The following COG5 variants were observed in gnomAD, a reference collection of about 807,000 sequenced individuals.
COG5 encodes component of oligomeric golgi complex 5.
Under a neutral mutation model 110.4 loss-of-function variants are expected in COG5, and 86 were observed. That is an observed-to-expected ratio of 0.78 (90% CI 0.65 to 0.93). COG5 has a LOEUF of 0.93. Among genes scored for constraint, COG5 ranks in the 40% least tolerant of loss-of-function variants. The pLI, the probability that COG5 is intolerant of heterozygous loss-of-function variation, is 0.00. For missense variants in COG5, 1,077 were observed against 987.0 expected (o/e 1.09, Z -1.22); for synonymous variants, 360 against 334.6 (o/e 1.08, Z -0.83).
intron 11 of COG5, among the ~76,000 whole-genome samples, chr7:107,316,066 G>A (rs549230375): frequency 1.1e-4 from 16 of 152,152 alleles, no homozygotes; most frequent in South Asian, 4.1e-4. Flanking sequence ...AAGACAGCCA[G>A]ATTACACCTA....
chr7:107,256,753 T>A lies in COG5; in HGVS notation c.1728A>T (p.Gln576His). The A allele has an allele frequency of 6.2e-7, 1 of 1,610,462 alleles. No individual in the cohort carries two copies. Among genetic ancestry groups the A allele is most frequent in the Non-Finnish European group, 8.5e-7 (1 of 1,177,470 alleles). The change falls in exon 16 of 22, where the codon CAA (glutamine) becomes CAT (histidine). Residue 576 changes from glutamine to histidine, a missense_variant. Coordinates refer to ENST00000297135, the MANE Select transcript of COG5 (RefSeq NM_006348.5). ...SQSSFPLAAE[Q>H]TIISALKAIH... ...TTACCTTTAGAGCTGAAATTATAGT[T>A]TGCTCAGCTGCCAGTGGGAATGAGC...
At position 107,557,978 on chromosome 7, in the gene COG5, G is replaced by T; in HGVS notation, c.232C>A (p.Gln78Lys). 2.5e-6 allele frequency: 4 copies of T among 1,613,984 alleles called. No individual in the cohort carries two copies. Among genetic ancestry groups the T allele is most frequent in the Non-Finnish European group, 3.4e-6 (4 of 1,179,932 alleles). Residue 78 changes from glutamine to lysine, a missense_variant and splice_region_variant, in exon 2 of 22, where the codon CAG becomes AAG. Physicochemically the swap from Gln to Lys is moderately conservative, Grantham distance 53 (BLOSUM62 1). Transcript: ENST00000297135. Reference protein sequence around the residue: ...ISQLDRELHLQVVARHEDLLA... With the variant: ...ISQLDRELHLKVVARHEDLLA... The stretch of plus-strand genomic sequence containing the variant: ...GGGACCCAGAAGATCAGAATTACCT[G>T]TAAGTGTAGTTCTCTGTCCAACTGA...
chr7:107,461,605 T>C (rs1201311827), intron 6 of COG5, among the ~76,000 whole-genome samples: 7 of 152,122 alleles, frequency 4.6e-5, no homozygotes, highest in Non-Finnish European at 1.0e-4. Context: ...AGATTTAAGA[T>C]TGAAAAGGAT....
At chr7:107,215,663 T>TCAAACAAA (rs1018123941) in intron 19 of COG5, among the ~76,000 whole-genome samples, 2,175 of 151,726 alleles carry the variant, frequency 0.014, 56 homozygotes, top group African/African-American at 0.05. Flanking sequence ...AGACTCCGTC[T>TCAAACAAA]CAAACAAACA....
intron 12 of COG5, among the ~76,000 whole-genome samples, chr7:107,296,973 T>A (rs12532967): frequency 0.011 from 1,633 of 152,230 alleles, 40 homozygotes; most frequent in African/African-American, 0.037. Flanking sequence ...GATGCTCAAA[T>A]TGAAAGTTTA....
At chr7:107,280,446 A>T (rs1461281840) in intron 14 of COG5, among the ~76,000 whole-genome samples, 1 of 152,088 alleles carries the variant, frequency 6.6e-6, no homozygotes, top group Non-Finnish European at 1.5e-5. Context: ...GAACAAACTG[A>T]AACAACTTGG....
chr7:107,425,935 T>C (rs1174409636), intron 6 of COG5, among the ~76,000 whole-genome samples: 1 of 152,120 alleles, frequency 6.6e-6, no homozygotes, highest in Non-Finnish European at 1.5e-5. Flanking sequence ...AAGAGGAAAC[T>C]TGGACAATAC....
intron 10 of COG5, among the ~76,000 whole-genome samples, chr7:107,348,052 G>A (rs557133128): frequency 2.4e-4 from 36 of 149,358 alleles, no homozygotes; most frequent in African/African-American, 8.4e-4. Context: ...CTTGAACCTG[G>A]GAGGTGGAAG....
At chr7:107,545,794 A>G (rs1802379179) in intron 5 of COG5, among the ~76,000 whole-genome samples, 2 of 150,858 alleles carry the variant, frequency 1.3e-5, no homozygotes, top group Non-Finnish European at 1.5e-5. Context: ...AAAAAAAAAA[A>G]AAAAAGAAAA....
intron 6 of COG5, among the ~76,000 whole-genome samples, chr7:107,432,642 A>T (rs1438036492): frequency 6.6e-6 from 1 of 152,202 alleles, no homozygotes; most frequent in Non-Finnish European, 1.5e-5. Context: ...ATGAAAATAA[A>T]GTCTTTTCTA....
At chr7:107,511,595 A>T (rs564007706) in intron 6 of COG5, among the ~76,000 whole-genome samples, 2 of 152,338 alleles carry the variant, frequency 1.3e-5, no homozygotes, top group Admixed American at 1.3e-4. Context: ...ACAACAAAAA[A>T]AGAGAGTTTT....
chr7:107,318,153 G>C (rs1372162058), intron 11 of COG5, among the ~76,000 whole-genome samples: 1 of 151,980 alleles, frequency 6.6e-6, no homozygotes, highest in Non-Finnish European at 1.5e-5. Flanking sequence ...TCAGCCTCCG[G>C]AGCAGCTGGG....
At position 107,509,196 on chromosome 7, in the gene COG5, C is replaced by G. The variant is rs111876212; in HGVS notation, c.538+18041G>C. 8.2e-4 allele frequency among the ~76,000 whole-genome samples: 125 copies of G among 152,142 alleles called. 1 individual carries two copies. The Middle Eastern group carries it at 0.017, about 21-fold the overall frequency. ...ACTAGAATAACCAATGCAGAGAAGT[C>G]CTTAAAGGAGCTGAGGTAGCTGAAA... is the stretch of plus-strand genomic sequence containing the variant. On this transcript the variant is annotated intron_variant, in intron 6 of 21. Coordinates refer to ENST00000297135, the MANE Select transcript of COG5 (RefSeq NM_006348.5).
intron 14 of COG5, among the ~76,000 whole-genome samples, chr7:107,267,975 GTTGT>G (rs1401471576): frequency 8.5e-5 from 13 of 152,076 alleles, no homozygotes; most frequent in Non-Finnish European, 1.5e-5. Context: ...AATTCTTTTT[GTTGT>G]TTTTTTGAGA....
intron 7 of COG5, among the ~76,000 whole-genome samples, chr7:107,386,561 G>C (rs927462371): frequency 4.6e-5 from 7 of 152,120 alleles, no homozygotes; most frequent in African/African-American, 1.7e-4. Context: ...TCCAAGTTTG[G>C]GGGGGATTGT....
intron 7 of COG5, among the ~76,000 whole-genome samples, chr7:107,396,557 A>G (rs1280354736): frequency 6.6e-6 from 1 of 151,812 alleles, no homozygotes; most frequent in Non-Finnish European, 1.5e-5. Context: ...AAATGAGAGA[A>G]AAATGACAAG....
chr7:107,210,404 C>T (rs941219133), intron 21 of COG5, 122 bp downstream of exon 21: 27 of 1,483,472 alleles, frequency 1.8e-5, no homozygotes, highest in East Asian at 1.2e-4. Flanking sequence ...TGAGGTGGCC[C>T]GCCACTGGAA....
chr7:107,448,433 C>T (rs185014058), intron 6 of COG5, among the ~76,000 whole-genome samples: 22 of 152,218 alleles, frequency 1.4e-4, no homozygotes, highest in African/African-American at 5.3e-4. Flanking sequence ...ATCCTTAAAA[C>T]ACCATGCTTT....
chr7:107,328,683 C>T (rs909212992), intron 10 of COG5, among the ~76,000 whole-genome samples: 1 of 152,112 alleles, frequency 6.6e-6, no homozygotes, highest in Non-Finnish European at 1.5e-5. Flanking sequence ...CATTTTAGTA[C>T]AATTATCATA....
Sources: allele counts gnomAD v4.1 joint callset (sites outside exome capture counted in the v4.1 genomes callset), GRCh38; gene constraint gnomAD v4.1.1; transcripts MANE v1.5; gene names NCBI Gene and HGNC (gene_info 2026-07-23, HGNC 2026-07-21).